The following PLAUR variants were observed in gnomAD, a reference collection of about 807,000 sequenced individuals.
PLAUR encodes the protein urokinase plasminogen activator surface receptor.
In PLAUR, 22 loss-of-function variants were observed where a neutral mutation model predicts 33.4. The ratio of observed to expected loss-of-function variants is 0.66; its 90% CI spans 0.47 to 0.94. The LOEUF is 0.94. PLAUR is among the 40% of genes least tolerant of loss of function. The pLI, the probability that PLAUR is intolerant of heterozygous loss-of-function variation, is 0.00. For missense variants in PLAUR, 408 were observed against 434.7 expected (o/e 0.94, Z 0.55); for synonymous variants, 148 against 167.3 (o/e 0.88, Z 0.89).
chr19:43,656,980 G>A (rs1482155697), intron 3 of PLAUR, among the ~76,000 whole-genome samples: 1 of 138,202 alleles, frequency 7.2e-6, no homozygotes, highest in Admixed American at 7.8e-5. Flanking sequence ...GTCTCACTCC[G>A]TCACCCAGGC....
chr19:43,670,021 A>G, intron 1 of PLAUR, 45 bp downstream of exon 1: 2 of 1,598,380 alleles, frequency 1.3e-6, no homozygotes, highest in Non-Finnish European at 1.7e-6. Context: ...AACCCCCTCA[A>G]TTAGACCCTG....
intron 3 of PLAUR, chr19:43,656,903 G>C: frequency 3.3e-6 from 1 of 307,174 alleles, no homozygotes; most frequent in South Asian, 8.4e-5. Context: ...ACTCACCCCA[G>C]TGCAGCATCT....
At position 43,659,167 on chromosome 19, in the gene PLAUR, C is replaced by CTTTTCTTT. The variant is rs778921148; in HGVS notation, c.311-2528_311-2527insAAAGAAAA. Among the ~76,000 whole-genome samples the CTTTTCTTT allele has an allele frequency of 1.2e-3, 112 of 97,128 alleles. 5 individuals carry two copies. The highest frequency in any genetic ancestry group is 5.9e-3 in the Admixed American group (42 of 7,068). 63.7% of individuals were successfully genotyped at this position (97,128 alleles called of 152,430 possible). A position where few individuals can be genotyped will look rare whatever the true frequency, so the allele number is the denominator to read the frequency against. Reference sequence around the variant, plus strand: ...GCTATTTTCCTTTTTCTTTTCTTTTCTTTTTTTTTTTTTTTGAGATAGGGT... The same window carrying CTTTTCTTT: ...GCTATTTTCCTTTTTCTTTTCTTTTCTTTTCTTTTTTTTTTTTTTTTTTGAGATAGGGT... On this transcript the variant is annotated intron_variant, in intron 3 of 6. Transcript: ENST00000340093.
chr19:43,654,682 C>G (rs1974129315), intron 5 of PLAUR, among the ~76,000 whole-genome samples: 2 of 152,190 alleles, frequency 1.3e-5, no homozygotes, highest in Non-Finnish European at 2.9e-5. Context: ...TGCAGTGAGC[C>G]ATGATCATGC....
chr19:43,669,474 G>C (rs1278798814), intron 1 of PLAUR, among the ~76,000 whole-genome samples: 6 of 152,180 alleles, frequency 3.9e-5, no homozygotes, highest in African/African-American at 1.4e-4. Flanking sequence ...CCATCGCCTA[G>C]TTTGAAATTG....
chr19:43,657,410 C>T (rs536173994), intron 3 of PLAUR, among the ~76,000 whole-genome samples: 4 of 152,202 alleles, frequency 2.6e-5, no homozygotes, highest in Non-Finnish European at 4.4e-5. Flanking sequence ...CGTCTCCCTC[C>T]ACTACACCCT....
In PLAUR at chr19:43,668,196, G is replaced by T. The variant is rs941898688; in HGVS notation, c.56-505C>A. On this transcript the variant is annotated intron_variant, in intron 1 of 6. Coordinates refer to ENST00000340093, the MANE Select transcript of PLAUR (RefSeq NM_002659.4). ...CTCCCCCTGGTTCTACCCGGCTCCA[G>T]AGCCTCTCCCGGCCCACTAATTTAT... 4.2e-5 allele frequency: 41 copies of T among 987,398 alleles called. No homozygotes were observed. The African/African-American group carries it at 6.8e-4, about 16-fold the overall frequency. The allele number at this position is 987,398 out of a possible 1,614,324, so 61.2% of individuals were successfully genotyped here. A position where few individuals can be genotyped will look rare whatever the true frequency, so the allele number is the denominator to read the frequency against.
At chr19:43,655,034 G>A (rs902966527) in intron 5 of PLAUR, among the ~76,000 whole-genome samples, 2 of 152,100 alleles carry the variant, frequency 1.3e-5, no homozygotes, top group Non-Finnish European at 2.9e-5. Flanking sequence ...CCAGCACTTT[G>A]TGAGGCTGAG....
chr19:43,649,729 A>G (rs76001549), intron 6 of PLAUR, among the ~76,000 whole-genome samples: 1 of 151,790 alleles, frequency 6.6e-6, no homozygotes, highest in East Asian at 1.9e-4. Context: ...AAAGAGAGAC[A>G]GAGAAAGAAA....
intron 6 of PLAUR, among the ~76,000 whole-genome samples, chr19:43,649,426 G>A (rs184449923): frequency 2.0e-5 from 3 of 152,202 alleles, no homozygotes; most frequent in Admixed American, 1.3e-4. Context: ...TGTAGTCCCA[G>A]CTACTTGGGA....
intron 3 of PLAUR, 116 bp downstream of exon 3, chr19:43,665,200 G>T: frequency 1.8e-6 from 2 of 1,084,316 alleles, no homozygotes; most frequent in Non-Finnish European, 2.7e-6. Context: ...TTGGGACTTG[G>T]ATAAGGCATG....
intron 1 of PLAUR, among the ~76,000 whole-genome samples, chr19:43,669,030 G>A (rs1967404526): frequency 6.6e-6 from 1 of 152,138 alleles, no homozygotes; most frequent in South Asian, 2.1e-4. Context: ...CTGCGCGTTC[G>A]GAGTATCCCG....
intron 4 of PLAUR, among the ~76,000 whole-genome samples, chr19:43,655,963 A>G (rs1974190842): frequency 6.6e-6 from 1 of 152,070 alleles, no homozygotes; most frequent in South Asian, 2.1e-4. Context: ...TGTGTAAGAA[A>G]CAAGAGGGTG....
downstream of PLAUR, among the ~76,000 whole-genome samples, chr19:43,647,938 CT>C (rs564922094): frequency 2.3e-3 from 303 of 133,174 alleles, no homozygotes; most frequent in South Asian, 4.3e-3. Flanking sequence ...TTAGAGAGCC[CT>C]TTTTTTTTTT....
In PLAUR at chr19:43,656,462, A is replaced by G. The variant is rs376606389; in HGVS notation, c.472+17T>C. 210 of 1,561,754 alleles carry G rather than the reference A, an allele frequency of 1.3e-4. No homozygotes were observed. Among genetic ancestry groups the G allele is most frequent in the Non-Finnish European group, 1.8e-4 (206 of 1,150,250 alleles). ...AGCAGAGCAGGGAGGAGGAGTTGCCAGCAGGTTGGGGCTCACCTTCTTCAC... is the reference window on the plus strand; with the variant it reads ...AGCAGAGCAGGGAGGAGGAGTTGCCGGCAGGTTGGGGCTCACCTTCTTCAC... On this transcript the variant is annotated intron_variant, in intron 4 of 6. Transcript: ENST00000340093.
In PLAUR at chr19:43,670,065, C is replaced by G. The variant is rs1286952600; in HGVS notation, c.55+1G>C. The G allele has an allele frequency of 6.2e-7, 1 of 1,613,304 alleles. No homozygotes were observed. The highest frequency in any genetic ancestry group is 8.5e-7 in the Non-Finnish European group (1 of 1,179,678). ...GCAGGCGTTCGGGACCCAGCCCCTA[C>G]CTGGGACGCAGGTGTGGAGCAGCAG... On this transcript the variant is annotated splice_donor_variant, in intron 1 of 6. Transcript: ENST00000340093. LOFTEE classifies it high-confidence loss of function.
At chr19:43,665,606 G>A (rs1383286804) in intron 2 of PLAUR, 147 bp from the exon 3 acceptor site, 2 of 653,146 alleles carry the variant, frequency 3.1e-6, no homozygotes, top group Non-Finnish European at 5.0e-6. Context: ...TTTTTCTAGA[G>A]TTAACCTTGC....
chr19:43,669,203 G>T (rs1221891571), intron 1 of PLAUR, among the ~76,000 whole-genome samples: 1 of 152,214 alleles, frequency 6.6e-6, no homozygotes, highest in Non-Finnish European at 1.5e-5. Context: ...AGTCGCCTCA[G>T]TGAGAGGGAA....
Position 43,656,654 on chromosome 19 carries a change from G to C in PLAUR, c.311-14C>G, listed in dbSNP as rs375690167. 17 of 1,575,236 alleles carry C rather than the reference G, an allele frequency of 1.1e-5. No individual in the cohort carries two copies. The African/African-American group carries it at 1.9e-4, about 18-fold the overall frequency. On this transcript the variant is annotated splice_polypyrimidine_tract_variant and intron_variant, in intron 3 of 6. Transcript: ENST00000340093. Reference sequence around the variant, plus strand: ...TGACAGCCCGGCCTGTTTGGAAGAGGGGGAGGGGAGTGAGACTCCATGGGG... The same window carrying C: ...TGACAGCCCGGCCTGTTTGGAAGAGCGGGAGGGGAGTGAGACTCCATGGGG...
Sources: gnomAD v4.1 joint callset for allele counts (sites outside exome capture counted in the v4.1 genomes callset) on GRCh38, gnomAD v4.1.1 for gene constraint, MANE v1.5 for transcripts, NCBI Gene and HGNC (gene_info 2026-07-23, HGNC 2026-07-21) for gene names.